DNAJC1: variants seen among roughly 807,000 people sequenced by gnomAD.
DNAJC1 encodes the protein DnaJ heat shock protein family (Hsp40) member C1.
Under a neutral mutation model 76.6 loss-of-function variants are expected in DNAJC1, and 58 were observed. That is an observed-to-expected ratio of 0.76 (90% confidence interval 0.61 to 0.94). DNAJC1 has a LOEUF of 0.94. Among genes scored for constraint, DNAJC1 ranks in the 40% least tolerant of loss-of-function variants. DNAJC1 has a pLI of 0.00. For synonymous variants in DNAJC1, 258 were observed against 267.9 expected (o/e 0.96, Z 0.36); for missense variants, 689 against 677.3 (o/e 1.02, Z -0.19).
intron 1 of DNAJC1, among the ~76,000 whole-genome samples, chr10:21,988,621 T>C (rs1044651016): frequency 2.2e-4 from 34 of 152,308 alleles, no homozygotes; most frequent in Admixed American, 2.1e-3. Context: ...AATTTTAGTA[T>C]TGTCCATTAA....
chr10:21,774,487 G>A (rs530255480), intron 9 of DNAJC1, among the ~76,000 whole-genome samples: 4 of 151,994 alleles, frequency 2.6e-5, no homozygotes, highest in Non-Finnish European at 5.9e-5. Context: ...CATATTAAAC[G>A]TATTAATATA....
rs142012061 is a variant in DNAJC1, at chr10:21,933,663, T to C, written c.223-4522A>G. 2.9e-3 allele frequency among the ~76,000 whole-genome samples: 436 copies of C among 152,306 alleles called. 2 individuals carry two copies. Among genetic ancestry groups the C allele is most frequent in the African/African-American group, 0.01 (423 of 41,556 alleles). On this transcript the variant is annotated intron_variant, in intron 1 of 11. Transcript: ENST00000376980. ...TGGCAAACACTGGAACTATATATAT[T>C]ATTTATTCATTTATATTTAGTCATA...
At position 21,900,937 on chromosome 10, in the gene DNAJC1, T is replaced by A. The variant is rs182443728; in HGVS notation, c.820+3585A>T. Reference sequence around the variant, plus strand: ...GAATCAACTACTTTCCTCATGAACCTGAGTTTTCTAGAAAATCACTCTTCC... The same window carrying A: ...GAATCAACTACTTTCCTCATGAACCAGAGTTTTCTAGAAAATCACTCTTCC... On this transcript the variant is annotated intron_variant, in intron 7 of 11. Transcript: ENST00000376980. Among the ~76,000 whole-genome samples, 17 of 152,322 alleles carry A rather than the reference T, an allele frequency of 1.1e-4. No individual in the cohort carries two copies. The East Asian group carries it at 3.1e-3, about 28-fold the overall frequency.
rs1231673051 is a variant in DNAJC1 at position 21,756,765 on chromosome 10, G to GA, written c.1597-11dup. ...TAGCGATACAGTCTTCCTGTAGGAAGAAAAAAAGAGAGGTGAGAACAGTCA... is the reference window on the plus strand; with the variant it reads ...TAGCGATACAGTCTTCCTGTAGGAAGAAAAAAAAGAGAGGTGAGAACAGTCA... On this transcript the variant is annotated splice_polypyrimidine_tract_variant and intron_variant, in intron 11 of 11. Transcript: ENST00000376980. The GA allele has an allele frequency of 3.7e-6, 6 of 1,610,900 alleles. No homozygotes were observed. The highest frequency in any genetic ancestry group is 4.2e-6 in the Non-Finnish European group (5 of 1,179,400).
At chr10:21,875,596 A>T (rs1038323979) in intron 8 of DNAJC1, among the ~76,000 whole-genome samples, 7 of 152,246 alleles carry the variant, frequency 4.6e-5, no homozygotes, top group Non-Finnish European at 8.8e-5. Flanking sequence ...CAACACAAAT[A>T]AGAGAAAAAT....
At chr10:21,917,493 C>T (rs1190388906) in intron 6 of DNAJC1, among the ~76,000 whole-genome samples, 1 of 151,916 alleles carries the variant, frequency 6.6e-6, no homozygotes, top group African/African-American at 2.4e-5. Context: ...TGCACGGATT[C>T]TAAAGTTGGC....
At chr10:21,976,572 A>G (rs760162701) in intron 1 of DNAJC1, among the ~76,000 whole-genome samples, 2 of 152,248 alleles carry the variant, frequency 1.3e-5, no homozygotes, top group Non-Finnish European at 2.9e-5. Context: ...GTCAAATAAT[A>G]GGAAAATGCC....
At chr10:21,931,726 T>C (rs896870496) in intron 1 of DNAJC1, among the ~76,000 whole-genome samples, 1 of 152,228 alleles carries the variant, frequency 6.6e-6, no homozygotes, top group Non-Finnish European at 1.5e-5. Flanking sequence ...ACGTATTGGC[T>C]TGTCTAATAC....
At chr10:21,958,393 C>T (rs1177194545) in intron 1 of DNAJC1, among the ~76,000 whole-genome samples, 1 of 151,762 alleles carries the variant, frequency 6.6e-6, no homozygotes, top group African/African-American at 2.4e-5. Context: ...TTTCCATCAA[C>T]CCAAAAAGAT....
chr10:21,789,223 T>C (rs1834650857), intron 9 of DNAJC1, among the ~76,000 whole-genome samples: 1 of 152,196 alleles, frequency 6.6e-6, no homozygotes, highest in Non-Finnish European at 1.5e-5. Flanking sequence ...CAACCACGAA[T>C]GTCTACAACC....
intron 1 of DNAJC1, among the ~76,000 whole-genome samples, chr10:21,989,239 A>G (rs1039831006): frequency 2.6e-5 from 4 of 152,186 alleles, no homozygotes; most frequent in Admixed American, 1.3e-4. Context: ...TAATATTATA[A>G]AATAAATGTA....
Position 22,003,315 on chromosome 10 carries a change from GGCC to G in DNAJC1, c.117_119del (p.Ala41del). 1 of 1,523,320 alleles carries G rather than the reference GGCC, an allele frequency of 6.6e-7. No homozygotes were observed. Among genetic ancestry groups the G allele is most frequent in the Non-Finnish European group, 8.8e-7 (1 of 1,135,800 alleles). The allele number at this position is 1,523,320 out of a possible 1,614,324, so 94.4% of individuals were successfully genotyped here. ...CCCAGCCGCGCGCCGGCGCCACGGC[GGCC>G]AGCAGCAGCAGCAGCAGCCACAGCA... On this transcript the variant is annotated inframe_deletion, in exon 1 of 12. Transcript: ENST00000376980.
chr10:22,002,489 C>A (rs1838535459), intron 1 of DNAJC1, among the ~76,000 whole-genome samples: 1 of 152,044 alleles, frequency 6.6e-6, no homozygotes, highest in Admixed American at 6.5e-5. Flanking sequence ...GAAAAAAAAA[C>A]CCATTCCTAC....
At chr10:21,914,505 G>C (rs913876831) in intron 6 of DNAJC1, among the ~76,000 whole-genome samples, 17 of 152,254 alleles carry the variant, frequency 1.1e-4, no homozygotes, top group African/African-American at 4.1e-4. Context: ...ACAGATGTGT[G>C]TGTAATCAAA....
chr10:21,991,417 C>G (rs1191634896), intron 1 of DNAJC1, among the ~76,000 whole-genome samples: 4 of 152,148 alleles, frequency 2.6e-5, no homozygotes, highest in Non-Finnish European at 5.9e-5. Context: ...AACCAATGTT[C>G]CTAGAACAGC....
rs1838553188 is a variant in DNAJC1, at chr10:22,003,228, G to A, written c.207C>T (p.Phe69=). ...CCTTGCTTACCTGCTGCACCCCGAG[G>A]AACTGGTAGAAGTTGAGCTGCACCT... is the stretch of plus-strand genomic sequence containing the variant. ...VEEVQLNFYQ[F]LGVQQDASSA... The change falls in exon 1 of 12, where the codon TTC becomes TTT. Residue 69 remains phenylalanine (F), a synonymous_variant. Coordinates refer to ENST00000376980, the MANE Select transcript of DNAJC1 (RefSeq NM_022365.4). The A allele has an allele frequency of 1.1e-5, 17 of 1,559,080 alleles. No homozygotes were observed. The highest frequency in any genetic ancestry group is 1.4e-5 in the Non-Finnish European group (16 of 1,153,928).
intron 9 of DNAJC1, 49 bp from the exon 10 acceptor site, chr10:21,766,358 T>C (rs769334164): frequency 7.0e-7 from 1 of 1,420,140 alleles, no homozygotes; most frequent in Non-Finnish European, 1.0e-6. Flanking sequence ...GTACCTACTA[T>C]ATGCTGAGTG....
At chr10:21,983,464 C>T (rs1322657105) in intron 1 of DNAJC1, among the ~76,000 whole-genome samples, 1 of 152,082 alleles carries the variant, frequency 6.6e-6, no homozygotes, top group Non-Finnish European at 1.5e-5. Flanking sequence ...GTGGCTCACA[C>T]CTGTAATACC....
intron 1 of DNAJC1, among the ~76,000 whole-genome samples, chr10:21,941,125 C>G (rs1378413478): frequency 1.3e-5 from 2 of 148,766 alleles, no homozygotes; most frequent in African/African-American, 4.9e-5. Context: ...AAAAATTAGC[C>G]AGGCGTGGTG....
Sources: allele counts gnomAD v4.1 joint callset (sites outside exome capture counted in the v4.1 genomes callset), GRCh38; gene constraint gnomAD v4.1.1; transcripts MANE v1.5; gene names NCBI Gene and HGNC (gene_info 2026-07-23, HGNC 2026-07-21).